The following IHO1 variants were observed in gnomAD, a reference collection of about 807,000 sequenced individuals.
IHO1 encodes interactor of HORMAD1 1, also known as interactor of HORMAD1 protein 1.
Under a neutral mutation model 31.0 loss-of-function variants are expected in IHO1, and 13 were observed. That is an observed-to-expected ratio of 0.42 (90% CI 0.27 to 0.67). IHO1 has a LOEUF of 0.67. Ranked by LOEUF, IHO1 falls within the 30% of genes least tolerant of loss-of-function variation. The pLI, the probability that IHO1 is intolerant of heterozygous loss-of-function variation, is 0.24. For missense variants in IHO1, 599 were observed against 687.5 expected, an observed-to-expected ratio of 0.87 and a Z score of 1.44; for synonymous variants, 221 against 248.4, an observed-to-expected ratio of 0.89 and a Z score of 1.04.
At chr3:49,208,531 T>C (rs1479217226) in intron 1 of IHO1, among the ~76,000 whole-genome samples, 2 of 152,034 alleles carry the variant, frequency 1.3e-5, no homozygotes, top group African/African-American at 4.8e-5. Flanking sequence ...CATGGAAAAA[T>C]TGTCTTCCAC....
intron 3 of IHO1, 48 bp from the exon 4 acceptor site, chr3:49,241,178 A>G (rs1293298388): frequency 6.8e-7 from 1 of 1,472,484 alleles, no homozygotes. Context: ...AGTGAATGCT[A>G]TAAATATTTT....
intron 1 of IHO1, among the ~76,000 whole-genome samples, chr3:49,207,964 G>A (rs1303941125): frequency 2.0e-5 from 3 of 151,932 alleles, no homozygotes; most frequent in Non-Finnish European, 2.9e-5. Flanking sequence ...AGTAGAGACG[G>A]GGTTTCACCA....
At chr3:49,220,830 T>C (rs1394439385) in intron 2 of IHO1, among the ~76,000 whole-genome samples, 1 of 152,160 alleles carries the variant, frequency 6.6e-6, no homozygotes, top group Non-Finnish European at 1.5e-5. Context: ...ATAGCGCCAC[T>C]GTACTCCAGC....
intron 2 of IHO1, chr3:49,214,052 T>C (rs1423853204): frequency 1.1e-5 from 3 of 270,008 alleles, no homozygotes; most frequent in Non-Finnish European, 2.5e-5. Context: ...CTGTATCTTC[T>C]TGTGCTTTTT....
chr3:49,223,417 G>C (rs2107702120), intron 2 of IHO1, among the ~76,000 whole-genome samples: 1 of 152,280 alleles, frequency 6.6e-6, no homozygotes, highest in South Asian at 2.1e-4. Context: ...CATTGGCCAG[G>C]TGTGTGGCTT....
upstream of IHO1, among the ~76,000 whole-genome samples, chr3:49,196,716 G>T (rs1182722928): frequency 1.3e-5 from 2 of 150,684 alleles, no homozygotes; most frequent in African/African-American, 4.9e-5. Context: ...TGTCACCCAG[G>T]CTGGAGTGCA....
In IHO1 at chr3:49,257,575, TGGCGAAA is replaced by T. The variant is rs2046840823; in HGVS notation, c.*297_*303del. ...CATCTGGAGCAGGGTGCCTGTACTT[TGGCGAAA>T]GGCAGGCAGGCCTCCTTATGGAATA... On this transcript the variant is annotated 3_prime_UTR_variant, in exon 8 of 8. Transcript: ENST00000452691. 3.0e-6 allele frequency: 1 copy of T among 338,644 alleles called. No individual in the cohort carries two copies. The highest frequency in any genetic ancestry group is 3.9e-5 in the South Asian group (1 of 25,894). 21.0% of individuals were successfully genotyped at this position (338,644 alleles called of 1,614,324 possible). A position where few individuals can be genotyped will look rare whatever the true frequency, so the allele number is the denominator to read the frequency against.
At chr3:49,212,198 C>A (rs1359737049) in intron 2 of IHO1, among the ~76,000 whole-genome samples, 1 of 144,416 alleles carries the variant, frequency 6.9e-6, no homozygotes, top group East Asian at 2.0e-4. Flanking sequence ...TTTCCAGTTT[C>A]ATTGATTTCA....
At chr3:49,243,525 G>A (rs966468385) in intron 4 of IHO1, among the ~76,000 whole-genome samples, 4 of 151,804 alleles carry the variant, frequency 2.6e-5, no homozygotes, top group East Asian at 2.0e-4. Flanking sequence ...TTGGGAGACC[G>A]AGGCAGGCGG....
chr3:49,244,382 T>C, intron 4 of IHO1, 22 bp from the exon 5 acceptor site: 2 of 1,430,494 alleles, frequency 1.4e-6, no homozygotes, highest in Non-Finnish European at 9.8e-7. Flanking sequence ...AGATTTGTTT[T>C]CTTTTTTCCC....
intron 1 of IHO1, among the ~76,000 whole-genome samples, chr3:49,205,539 T>C (rs945235384): frequency 6.6e-6 from 1 of 151,946 alleles, no homozygotes; most frequent in African/African-American, 2.4e-5. Flanking sequence ...CAGGCTGGTC[T>C]CGAATTGCTG....
At chr3:49,207,377 C>T (rs1398381524) in intron 1 of IHO1, among the ~76,000 whole-genome samples, 2 of 151,472 alleles carry the variant, frequency 1.3e-5, no homozygotes, top group Non-Finnish European at 2.9e-5. Flanking sequence ...TCCCGAGTAG[C>T]TGGGACTACA....
chr3:49,221,785 A>G (rs1186003179), intron 2 of IHO1, among the ~76,000 whole-genome samples: 1 of 152,240 alleles, frequency 6.6e-6, no homozygotes, highest in Non-Finnish European at 1.5e-5. Flanking sequence ...ATGTTAAAAC[A>G]CAGGGCCCGA....
In IHO1 at chr3:49,256,188, G is replaced by A. The variant is rs369018356; in HGVS notation, c.691G>A (p.Val231Ile). 1.5e-5 allele frequency: 24 copies of A among 1,613,816 alleles called. No homozygotes were observed. The highest frequency in any genetic ancestry group is 1.9e-5 in the Non-Finnish European group (23 of 1,179,986). Residue 231 changes from valine (V) to isoleucine (I), a missense_variant, in exon 8 of 8, where the codon GTT (valine) becomes ATT (isoleucine). Transcript: ENST00000452691. This position sits in a 1 kb window ranked among gnomAD's most constrained non-coding sequence, Gnocchi z 4.6. The part of the protein sequence containing the change: ...KSNLKHLEVL[V>I]AQQSQEFQQL... Reference sequence around the variant, plus strand: ...CAACCTGAAGCACCTTGAAGTTTTAGTTGCTCAGCAGAGTCAGGAATTCCA... The same window carrying A: ...CAACCTGAAGCACCTTGAAGTTTTAATTGCTCAGCAGAGTCAGGAATTCCA...
chr3:49,205,025 C>T (rs1469129009), intron 1 of IHO1, among the ~76,000 whole-genome samples: 1 of 149,990 alleles, frequency 6.7e-6, no homozygotes, highest in African/African-American at 2.5e-5. Flanking sequence ...AAGACTCCAT[C>T]TCAAAAAAAA....
In IHO1 at chr3:49,256,957, G is replaced by GC. The variant is rs1380243125; in HGVS notation, c.1464dup (p.Phe489LeufsTer36). On this transcript the variant is annotated frameshift_variant, in exon 8 of 8. Coordinates refer to ENST00000452691, the MANE Select transcript of IHO1 (RefSeq NM_001135197.2). LOFTEE classifies it low-confidence loss of function (END_TRUNC). This position sits in a 1 kb window ranked among gnomAD's most constrained non-coding sequence, Gnocchi z 4.6. ...CAGCCTGCAATTTCTGTCCCTCAAA[G>GC]CCCCTTCCTGGGGCAGCAGGAACCC... 1.2e-6 allele frequency: 2 copies of GC among 1,614,076 alleles called. No homozygotes were observed. Among genetic ancestry groups the GC allele is most frequent in the Admixed American group, 3.3e-5 (2 of 59,994 alleles).
upstream of IHO1, among the ~76,000 whole-genome samples, chr3:49,196,234 A>AC (rs969295077): frequency 2.6e-5 from 4 of 151,064 alleles, no homozygotes; most frequent in African/African-American, 9.7e-5. Flanking sequence ...GTCACAAAAA[A>AC]AAAAAAAAAA....
chr3:49,200,061 G>A (rs1286719595), intron 1 of IHO1, among the ~76,000 whole-genome samples: 1 of 152,200 alleles, frequency 6.6e-6, no homozygotes, highest in Non-Finnish European at 1.5e-5. Context: ...AGTGTTTGAG[G>A]CGGGCCGGTG....
At position 49,217,682 on chromosome 3, in the gene IHO1, A is replaced by G. The variant is rs569053753; in HGVS notation, c.56+5846A>G. 2.0e-5 allele frequency among the ~76,000 whole-genome samples: 3 copies of G among 152,038 alleles called. No individual in the cohort carries two copies. In the South Asian group the frequency reaches 6.2e-4, roughly 32 times the overall value. On this transcript the variant is annotated intron_variant, in intron 2 of 7. Coordinates refer to ENST00000452691, the MANE Select transcript of IHO1 (RefSeq NM_001135197.2). ...AGAAAAAATTATACAGCTCACTGTG[A>G]TGTAGAATTAGTGGGAGCCCTGAGT...
Sources: allele counts gnomAD v4.1 joint callset (sites outside exome capture counted in the v4.1 genomes callset), GRCh38; gene constraint gnomAD v4.1.1; non-coding constraint Gnocchi (gnomAD v3.1); transcripts MANE v1.5; gene names NCBI Gene and HGNC (gene_info 2026-07-23, HGNC 2026-07-21).